Variants in EVA1C observed in about 807,000 individuals in gnomAD.
The protein encoded by EVA1C is protein eva-1 homolog C.
Under a neutral mutation model 45.4 loss-of-function variants are expected in EVA1C, and 25 were observed. The observed-to-expected ratio is 0.55, with a 90% confidence interval of 0.40 to 0.77. The LOEUF (loss-of-function observed/expected upper bound fraction) is 0.77. EVA1C is among the 30% of genes least tolerant of loss of function. The probability of loss-of-function intolerance (pLI) is 0.00; values close to 1 mark genes in which losing one functional copy is unlikely to be tolerated. For missense variants in EVA1C, 479 were observed against 554.8 expected (o/e 0.86, Z 1.37); for synonymous variants, 190 against 221.2 (o/e 0.86, Z 1.25).
At position 32,514,920 on chromosome 21, in the gene EVA1C, C is replaced by T. The variant is rs547404173; in HGVS notation, c.1056C>T (p.Arg352=). Residue 352 remains arginine (R), a synonymous_variant, in exon 8 of 8, where the codon CGC becomes CGT. Coordinates refer to ENST00000300255, the MANE Select transcript of EVA1C (RefSeq NM_058187.5). ...GAGAGTCCTGTGCCAAGGACTTCCG[C>T]GACTTGCAGCTGGGGAGGGAGCAGC... ...VIRESCAKDF[R]DLQLGREQLV... 4.6e-5 allele frequency: 74 copies of T among 1,614,096 alleles called. 3 individuals are homozygous for T. In the South Asian group the frequency reaches 6.5e-4, roughly 14 times the overall value.
intron 3 of EVA1C, 152 bp downstream of exon 3, chr21:32,457,872 CAGAG>C: frequency 2.4e-6 from 2 of 826,296 alleles, no homozygotes; most frequent in South Asian, 1.8e-5. Context: ...TTTTTAGAGA[CAGAG>C]AGAGAAAGAA....
chr21:32,424,448 C>CACTGAACCCA (rs1256921704), intron 1 of EVA1C, among the ~76,000 whole-genome samples: 8 of 152,136 alleles, frequency 5.3e-5, no homozygotes, highest in Admixed American at 2.6e-4. Context: ...CATAATTTTA[C>CACTGAACCCA]AGTCTCTTTT....
At chr21:32,465,570 C>T (rs1362738261) in intron 3 of EVA1C, among the ~76,000 whole-genome samples, 1 of 152,068 alleles carries the variant, frequency 6.6e-6, no homozygotes, top group African/African-American at 2.4e-5. Context: ...GGATAAGAAC[C>T]ACATATGCAA....
At chr21:32,442,785 G>A (rs1055606409) in intron 1 of EVA1C, among the ~76,000 whole-genome samples, 13 of 151,626 alleles carry the variant, frequency 8.6e-5, no homozygotes, top group African/African-American at 2.7e-4. Context: ...TTAGCACACC[G>A]ATGTGGGGCC....
Position 32,478,970 on chromosome 21 carries a change from G to A in EVA1C, c.634+11122G>A, listed in dbSNP as rs369381993. 8.4e-4 allele frequency among the ~76,000 whole-genome samples: 128 copies of A among 152,366 alleles called. 1 individual carries two copies. In the South Asian group the frequency reaches 0.024, roughly 29 times the overall value. ...CAGAGGTTCCCACTGCCAAGACAGC[G>A]GCACTTAAGCAGCCAGCCTTATTAT... is the stretch of plus-strand genomic sequence containing the variant. On this transcript the variant is annotated intron_variant, in intron 4 of 7. Coordinates refer to ENST00000300255, the MANE Select transcript of EVA1C (RefSeq NM_058187.5).
At chr21:32,496,760 C>G (rs1568944761) in intron 5 of EVA1C, 8 of 655,874 alleles carry the variant, frequency 1.2e-5, no homozygotes, top group South Asian at 1.0e-4. Context: ...GGCCGGGGAC[C>G]GGGAAAGCTG....
chr21:32,448,164 A>G (rs1938272822), intron 1 of EVA1C, among the ~76,000 whole-genome samples: 1 of 152,076 alleles, frequency 6.6e-6, no homozygotes, highest in African/African-American at 2.4e-5. Flanking sequence ...ACCAAACAGA[A>G]TGGGGCATGG....
At chr21:32,443,996 T>G (rs1353596994) in intron 1 of EVA1C, among the ~76,000 whole-genome samples, 1 of 151,922 alleles carries the variant, frequency 6.6e-6, no homozygotes, top group African/African-American at 2.4e-5. Flanking sequence ...AAAGCACATG[T>G]TTCTATGAGA....
At chr21:32,498,947 C>T (rs1045284231) in intron 5 of EVA1C, among the ~76,000 whole-genome samples, 17 of 152,262 alleles carry the variant, frequency 1.1e-4, no homozygotes, top group East Asian at 3.9e-4. Context: ...GTGTTGACAA[C>T]GGTGATTTTA....
At chr21:32,476,058 G>A (rs183881576) in intron 4 of EVA1C, among the ~76,000 whole-genome samples, 1 of 151,418 alleles carries the variant, frequency 6.6e-6, no homozygotes, top group Admixed American at 6.6e-5. Context: ...GCCTTTCTTT[G>A]ACTGTGAATG....
chr21:32,447,664 G>T (rs1269883652), intron 1 of EVA1C, among the ~76,000 whole-genome samples: 1 of 151,856 alleles, frequency 6.6e-6, no homozygotes, highest in African/African-American at 2.4e-5. Context: ...CTACCACATG[G>T]ACCATCTTTG....
chr21:32,466,888 T>C (rs981512910), intron 3 of EVA1C, among the ~76,000 whole-genome samples: 1 of 152,000 alleles, frequency 6.6e-6, no homozygotes, highest in Non-Finnish European at 1.5e-5. Flanking sequence ...CTCCAACTTC[T>C]GGGCTCAAGC....
chr21:32,469,099 G>A, intron 4 of EVA1C, among the ~76,000 whole-genome samples: 1 of 152,208 alleles, frequency 6.6e-6, no homozygotes, highest in Middle Eastern at 3.2e-3. Context: ...AGCACCTGCT[G>A]TATGCTGGGC....
intron 1 of EVA1C, chr21:32,453,056 C>T: frequency 2.4e-6 from 1 of 411,780 alleles, no homozygotes; most frequent in Non-Finnish European, 4.4e-6. Flanking sequence ...GGAGCCCTCG[C>T]CAGGGACCCC....
At chr21:32,445,440 T>C (rs2035329537) in intron 1 of EVA1C, among the ~76,000 whole-genome samples, 3 of 152,148 alleles carry the variant, frequency 2.0e-5, no homozygotes, top group Admixed American at 6.5e-5. Flanking sequence ...GAGCGATGTA[T>C]GTAGCTTTTT....
intron 3 of EVA1C, among the ~76,000 whole-genome samples, chr21:32,460,634 C>T (rs762174): frequency 0.42 from 63,145 of 151,968 alleles, 13,646 homozygotes; most frequent in East Asian, 0.53. Context: ...GTAACCAGAT[C>T]ATCCAGTCCC....
chr21:32,454,148 G>A (rs1249135485), intron 2 of EVA1C, among the ~76,000 whole-genome samples: 1 of 152,178 alleles, frequency 6.6e-6, no homozygotes, highest in Non-Finnish European at 1.5e-5. Flanking sequence ...AGAATCGCTT[G>A]AACCCAGGAG....
rs3056306 is a variant in EVA1C, at chr21:32,423,070, C to CAAAAAAAAAAAA, written c.160+10072_160+10083dup. Among the ~76,000 whole-genome samples, 387 of 85,564 alleles carry CAAAAAAAAAAAA rather than the reference C, an allele frequency of 4.5e-3. 29 individuals are homozygous for CAAAAAAAAAAAA. The highest frequency in any genetic ancestry group is 0.014 in the African/African-American group (313 of 21,744). 56.1% of individuals were successfully genotyped at this position (85,564 alleles called of 152,430 possible). A position where few individuals can be genotyped will look rare whatever the true frequency, so the allele number is the denominator to read the frequency against. On this transcript the variant is annotated intron_variant, in intron 1 of 7. Coordinates refer to ENST00000300255, the MANE Select transcript of EVA1C (RefSeq NM_058187.5). ...TGGGCAGCAGAGTGAGACTCTGTCTCAAAAAAAAAAAAAAAAAAAAAAAAA... is the reference window on the plus strand; with the variant it reads ...TGGGCAGCAGAGTGAGACTCTGTCTCAAAAAAAAAAAAAAAAAAAAAAAAAAAAAAAAAAAAA...
At chr21:32,423,070 CA>C (rs3056306) in intron 1 of EVA1C, among the ~76,000 whole-genome samples, 14 of 85,618 alleles carry the variant, frequency 1.6e-4, no homozygotes, top group Non-Finnish European at 1.3e-4. Context: ...GACTCTGTCT[CA>C]AAAAAAAAAA....
Sources: gnomAD v4.1 joint callset for allele counts (sites outside exome capture counted in the v4.1 genomes callset) on GRCh38, gnomAD v4.1.1 for gene constraint, MANE v1.5 for transcripts, NCBI Gene and HGNC (gene_info 2026-07-23, HGNC 2026-07-21) for gene names.